The following CMIP variants were observed in gnomAD, a reference collection of about 807,000 sequenced individuals.
The protein encoded by CMIP is c-Maf inducing protein, also known as C-Maf-inducing protein.
A neutral mutation model predicts 97.3 loss-of-function variants in CMIP; 13 were observed. The ratio of observed to expected loss-of-function variants is 0.13; its 90% CI spans 0.09 to 0.21. The LOEUF (loss-of-function observed/expected upper bound fraction) is 0.21, where lower values mean the gene tolerates loss of function less well. Among genes scored for constraint, CMIP ranks in the 10% least tolerant of loss-of-function variants. The pLI, the probability that CMIP is intolerant of heterozygous loss-of-function variation, is 1.00. For missense variants in CMIP, 847 were observed against 1,024.9 expected, an observed-to-expected ratio of 0.83 and a Z score of 2.37; for synonymous variants, 538 against 436.3, an observed-to-expected ratio of 1.23 and a Z score of -2.91.
At chr16:81,534,670 G>C (rs547524736) in intron 1 of CMIP, among the ~76,000 whole-genome samples, 16 of 151,992 alleles carry the variant, frequency 1.1e-4, no homozygotes, top group African/African-American at 3.9e-4. Context: ...CTATAGAACT[G>C]TAAAATTAAC....
rs185819577 is a variant in CMIP, at chr16:81,568,106, T to C, written c.301-39461T>C. ...AGAAAAGAGGCCCATTTTGCAGATA[T>C]GGAGACCAAGGTCCAGAGGGACCAG... is the stretch of plus-strand genomic sequence containing the variant. On this transcript the variant is annotated intron_variant, in intron 1 of 20. Coordinates refer to ENST00000537098, the MANE Select transcript of CMIP (RefSeq NM_198390.3). Among the ~76,000 whole-genome samples, 420 of 149,890 alleles carry C rather than the reference T, an allele frequency of 2.8e-3. 1 individual carries two copies. Among genetic ancestry groups the C allele is most frequent in the Middle Eastern group, 0.017 (5 of 290 alleles).
chr16:81,644,483 G>A (rs913312578), intron 3 of CMIP, among the ~76,000 whole-genome samples: 4 of 152,202 alleles, frequency 2.6e-5, no homozygotes, highest in Non-Finnish European at 5.9e-5. Flanking sequence ...CAAAAGGGCA[G>A]TTTGGGGGTA....
In CMIP at chr16:81,537,147, C is replaced by T. The variant is rs1469481069; in HGVS notation, c.301-70420C>T. The stretch of plus-strand genomic sequence containing the variant: ...GGGCTACAGACTCAGAGCAGGGTCC[C>T]CCCTGCTCACCGTCCTGGCCGTCAC... On this transcript the variant is annotated intron_variant, in intron 1 of 20. Transcript: ENST00000537098. 2.6e-5 allele frequency among the ~76,000 whole-genome samples: 4 copies of T among 152,306 alleles called. No individual in the cohort carries two copies. The East Asian group carries it at 7.7e-4, about 29-fold the overall frequency.
At chr16:81,682,175 A>C (rs1904938693) in intron 10 of CMIP, among the ~76,000 whole-genome samples, 1 of 151,146 alleles carries the variant, frequency 6.6e-6, no homozygotes, top group South Asian at 2.1e-4. Flanking sequence ...CTGCACTCCA[A>C]GCTGGGTGAC....
intron 3 of CMIP, among the ~76,000 whole-genome samples, chr16:81,622,811 C>T (rs1399325012): frequency 6.6e-6 from 1 of 152,170 alleles, no homozygotes; most frequent in South Asian, 2.1e-4. Flanking sequence ...GTGAGTATTG[C>T]ACAGCTGCAA....
intron 1 of CMIP, among the ~76,000 whole-genome samples, chr16:81,605,708 C>A (rs558532931): frequency 1.3e-5 from 2 of 152,342 alleles, no homozygotes; most frequent in East Asian, 3.9e-4. Context: ...CTCCTGCTCT[C>A]GGCCACCTGT....
intron 10 of CMIP, among the ~76,000 whole-genome samples, chr16:81,687,810 G>T (rs767644182): frequency 6.6e-6 from 1 of 152,190 alleles, no homozygotes; most frequent in African/African-American, 2.4e-5. Context: ...AGCTGTGCTG[G>T]TAGGTGGTCG....
chr16:81,500,525 T>C (rs1020512554), intron 1 of CMIP, among the ~76,000 whole-genome samples: 1 of 144,680 alleles, frequency 6.9e-6, no homozygotes, highest in Non-Finnish European at 1.5e-5. Context: ...AGTCTCACTC[T>C]GTCGCCAGGC....
chr16:81,670,852 G>A (rs1020142630), intron 8 of CMIP, among the ~76,000 whole-genome samples: 4 of 151,952 alleles, frequency 2.6e-5, no homozygotes, highest in African/African-American at 9.7e-5. Flanking sequence ...GTTTTGAGAT[G>A]GAGTCTCGCT....
chr16:81,455,481 A>C (rs982425776), intron 1 of CMIP, among the ~76,000 whole-genome samples: 4 of 152,248 alleles, frequency 2.6e-5, no homozygotes, highest in African/African-American at 9.6e-5. Context: ...GCGCAAGCCC[A>C]GATCTCTACC....
Position 81,678,523 on chromosome 16 carries a change from T to C in CMIP, c.1283T>C (p.Leu428Pro). The change falls in exon 10 of 21, where the codon CTC (leucine) becomes CCC (proline). Residue 428 changes from leucine (L) to proline (P), a missense_variant. By Grantham distance (98) the Leu-to-Pro change is moderately conservative. Coordinates refer to ENST00000537098, the MANE Select transcript of CMIP (RefSeq NM_198390.3). ...GCAGGCAACGACAGCGAGCCCAACC[T>C]CATCGACTGCCTCATGGTCAGCCCC... ...ASAGNDSEPN[L>P]IDCLMVSPAC... 6.2e-7 allele frequency: 1 copy of C among 1,604,994 alleles called. No individual in the cohort carries two copies.
chr16:81,633,436 C>T (rs995515012), intron 3 of CMIP, among the ~76,000 whole-genome samples: 11 of 152,206 alleles, frequency 7.2e-5, no homozygotes, highest in African/African-American at 2.7e-4. Flanking sequence ...AGTGCTTGTC[C>T]CCACAGAGGA....
At chr16:81,706,442 C>T (rs974945316) in intron 19 of CMIP, among the ~76,000 whole-genome samples, 18 of 152,212 alleles carry the variant, frequency 1.2e-4, no homozygotes, top group African/African-American at 3.6e-4. Flanking sequence ...CGGCAGCGCT[C>T]GGCCAGTTTG....
intron 1 of CMIP, among the ~76,000 whole-genome samples, chr16:81,541,971 A>T (rs187183931): frequency 5.3e-5 from 8 of 152,320 alleles, no homozygotes; most frequent in Non-Finnish European, 1.2e-4. Flanking sequence ...CTTTGGGTTC[A>T]CCACTCAGTC....
intron 1 of CMIP, among the ~76,000 whole-genome samples, chr16:81,468,591 C>T (rs1907345285): frequency 1.3e-5 from 2 of 152,268 alleles, no homozygotes; most frequent in Admixed American, 1.3e-4. Context: ...CCTTATGGGG[C>T]ACCTCCTGGG....
chr16:81,703,567 GCACACAGACA>G (rs1157724557), intron 17 of CMIP, among the ~76,000 whole-genome samples: 3 of 151,542 alleles, frequency 2.0e-5, no homozygotes, highest in African/African-American at 7.3e-5. Context: ...ACACAAACGT[GCACACAGACA>G]CACACAGATA....
chr16:81,642,195 G>A (rs2092314394), intron 3 of CMIP, among the ~76,000 whole-genome samples: 1 of 152,214 alleles, frequency 6.6e-6, no homozygotes, highest in Admixed American at 6.5e-5. Context: ...ATATGTAGTA[G>A]CCATTATGAC....
At chr16:81,477,377 T>C (rs1488784077) in intron 1 of CMIP, among the ~76,000 whole-genome samples, 1 of 152,208 alleles carries the variant, frequency 6.6e-6, no homozygotes, top group Non-Finnish European at 1.5e-5. Context: ...GCCAGGCTCG[T>C]CTCGAACTCC....
chr16:81,505,091 C>G (rs955371945), intron 1 of CMIP, among the ~76,000 whole-genome samples: 1 of 152,202 alleles, frequency 6.6e-6, no homozygotes, highest in African/African-American at 2.4e-5. Context: ...CAGTCGGGAG[C>G]CTTGCTCATC....
Sources: gnomAD v4.1 joint callset for allele counts (sites outside exome capture counted in the v4.1 genomes callset) on GRCh38, gnomAD v4.1.1 for gene constraint, MANE v1.5 for transcripts, NCBI Gene and HGNC (gene_info 2026-07-23, HGNC 2026-07-21) for gene names.